Variants in PLCG2 observed in about 807,000 individuals in gnomAD.
PLCG2 encodes the protein phospholipase C gamma 2.
Under a neutral mutation model 175.6 loss-of-function variants are expected in PLCG2, and 69 were observed. That is an observed-to-expected ratio of 0.39 (90% CI 0.32 to 0.48). The LOEUF (loss-of-function observed/expected upper bound fraction) is 0.48, where lower values mean the gene tolerates loss of function less well. PLCG2 is among the 20% of genes least tolerant of loss of function. The pLI is 0.91. For synonymous variants in PLCG2, 827 were observed against 624.0 expected (o/e 1.33, Z -4.85); for missense variants, 1,798 against 1,650.9 (o/e 1.09, Z -1.54).
At chr16:81,882,430 A>T (rs1217615016) in intron 8 of PLCG2, among the ~76,000 whole-genome samples, 5 of 152,120 alleles carry the variant, frequency 3.3e-5, no homozygotes, top group Admixed American at 6.5e-5. Context: ...ACTCCAGAGC[A>T]CTCAATGACC....
In PLCG2 at chr16:81,937,179, A is replaced by AT. The variant is rs550131756; in HGVS notation, c.3053-578dup. On this transcript the variant is annotated intron_variant, in intron 27 of 32. Transcript: ENST00000564138. ...CCCTCCATAGAGATCGTGGGCGGGG[A>AT]TGCAAATAGGTGGAGGTTGGAGTAC... Among the ~76,000 whole-genome samples the AT allele has an allele frequency of 8.5e-5, 13 of 152,268 alleles. No individual in the cohort carries two copies. In the South Asian group the frequency reaches 2.7e-3, roughly 32 times the overall value.
intron 25 of PLCG2, among the ~76,000 whole-genome samples, chr16:81,934,080 C>G (rs1049479099): frequency 1.3e-5 from 2 of 152,146 alleles, no homozygotes; most frequent in African/African-American, 4.8e-5. Context: ...GAATTTGAGA[C>G]ACTCTAACAG....
intron 2 of PLCG2, among the ~76,000 whole-genome samples, chr16:81,813,916 G>T (rs1904427396): frequency 1.3e-5 from 2 of 152,236 alleles, no homozygotes; most frequent in African/African-American, 4.8e-5. Flanking sequence ...CCCTGACACA[G>T]GGAAGGGAAA....
At chr16:81,851,055 G>C (rs1196351573) in intron 2 of PLCG2, among the ~76,000 whole-genome samples, 1 of 152,064 alleles carries the variant, frequency 6.6e-6, no homozygotes, top group Non-Finnish European at 1.5e-5. Flanking sequence ...GGTGTGACGG[G>C]GGATGAGTCC....
At chr16:81,883,647 G>A in intron 9 of PLCG2, 5 of 424,350 alleles carry the variant, frequency 1.2e-5, no homozygotes, top group South Asian at 2.5e-5. Flanking sequence ...CTGAGGATGG[G>A]GCTGCCCTCA....
chr16:81,961,964 A>G lies in PLCG2; in HGVS notation c.*3966A>G, dbSNP rs906007889. The stretch of plus-strand genomic sequence containing the variant: ...ATCTGGCTGCGACATCTGTCACCCC[A>G]TTGATCGCCAGGGTTGATTCGGCTG... On this transcript the variant is annotated 3_prime_UTR_variant, in exon 33 of 33. Transcript: ENST00000564138. The G allele has an allele frequency of 5.1e-5, 10 of 197,136 alleles. No individual in the cohort carries two copies. The highest frequency in any genetic ancestry group is 1.9e-4 in the African/African-American group (8 of 43,186). 12.2% of individuals were successfully genotyped at this position (197,136 alleles called of 1,614,324 possible). A position where few individuals can be genotyped will look rare whatever the true frequency, so the allele number is the denominator to read the frequency against.
At chr16:81,924,022 A>G (rs955890553) in intron 22 of PLCG2, among the ~76,000 whole-genome samples, 3 of 152,228 alleles carry the variant, frequency 2.0e-5, no homozygotes, top group East Asian at 1.9e-4. Context: ...GCGCTTTCCA[A>G]TACACAAGAC....
intron 14 of PLCG2, among the ~76,000 whole-genome samples, chr16:81,903,422 C>T (rs553457034): frequency 2.0e-4 from 31 of 152,198 alleles, no homozygotes; most frequent in Non-Finnish European, 2.8e-4. Context: ...CATCAGTGCA[C>T]GGGGAGTGTT....
At chr16:81,762,395 C>T (rs1015319104) in intron 2 of PLCG2, among the ~76,000 whole-genome samples, 2 of 151,882 alleles carry the variant, frequency 1.3e-5, no homozygotes, top group African/African-American at 4.8e-5. Flanking sequence ...ATGGGAATAT[C>T]CTGTCTCTAC....
At chr16:81,814,271 T>C (rs1904441717) in intron 2 of PLCG2, among the ~76,000 whole-genome samples, 1 of 152,202 alleles carries the variant, frequency 6.6e-6, no homozygotes, top group Non-Finnish European at 1.5e-5. Context: ...TAATAAGGTC[T>C]TCTCAGGGGA....
At chr16:81,857,240 T>C (rs565052373) in intron 3 of PLCG2, among the ~76,000 whole-genome samples, 2 of 152,278 alleles carry the variant, frequency 1.3e-5, no homozygotes, top group African/African-American at 2.4e-5. Context: ...GACCTAAGTA[T>C]TGGGGTTTTG....
At chr16:81,826,348 C>G (rs1905048686) in intron 2 of PLCG2, among the ~76,000 whole-genome samples, 1 of 152,140 alleles carries the variant, frequency 6.6e-6, no homozygotes, top group South Asian at 2.1e-4. Flanking sequence ...GATCTGTGTC[C>G]TCACCTAGGT....
chr16:81,878,221 T>A (rs1380881097), intron 7 of PLCG2, among the ~76,000 whole-genome samples: 1 of 151,932 alleles, frequency 6.6e-6, no homozygotes, highest in East Asian at 1.9e-4. Context: ...CCTGACCTAG[T>A]GATCCGCCTG....
Position 81,891,567 on chromosome 16 carries a change from C to T in PLCG2, c.963C>T (p.Tyr321=). Residue 321 remains tyrosine (Y), a synonymous_variant, in exon 11 of 33, where the codon TAC becomes TAT. Transcript: ENST00000564138. ...ACATGAACAACCCCCTGTCTCATTA[C>T]TGGATCTCCTCGTCACATAACACGT... ...MQDMNNPLSH[Y]WISSSHNTYL... 6.3e-7 allele frequency: 1 copy of T among 1,596,988 alleles called. No homozygotes were observed. The highest frequency in any genetic ancestry group is 8.6e-7 in the Non-Finnish European group (1 of 1,164,570).
intron 2 of PLCG2, among the ~76,000 whole-genome samples, chr16:81,854,115 G>C (rs1047416109): frequency 1.3e-5 from 2 of 151,944 alleles, no homozygotes; most frequent in African/African-American, 4.8e-5. Flanking sequence ...TGGTAGAATA[G>C]TCTGTGCTTA....
At chr16:81,804,810 T>A (rs937749254) in intron 2 of PLCG2, among the ~76,000 whole-genome samples, 4 of 152,176 alleles carry the variant, frequency 2.6e-5, no homozygotes, top group African/African-American at 7.2e-5. Flanking sequence ...CCTGGAGAAA[T>A]GTCATTGGGA....
chr16:81,761,829 AT>A (rs556864309), intron 2 of PLCG2, among the ~76,000 whole-genome samples: 4,281 of 130,160 alleles, frequency 0.033, 182 homozygotes, highest in African/African-American at 0.11. Flanking sequence ...CACCCTGCAC[AT>A]TTTTTTTTTT....
At chr16:81,926,118 GC>G (rs1302197873) in intron 22 of PLCG2, among the ~76,000 whole-genome samples, 1 of 152,204 alleles carries the variant, frequency 6.6e-6, no homozygotes, top group Non-Finnish European at 1.5e-5. Context: ...AAGGGCATGG[GC>G]CAAGGCATGG....
chr16:81,924,835 T>A (rs1303773156), intron 22 of PLCG2, among the ~76,000 whole-genome samples: 1 of 152,216 alleles, frequency 6.6e-6, no homozygotes, highest in African/African-American at 2.4e-5. Context: ...CCTTGGAGGC[T>A]CCCAGACCCA....
Sources: gnomAD v4.1 joint callset for allele counts (sites outside exome capture counted in the v4.1 genomes callset) on GRCh38, gnomAD v4.1.1 for gene constraint, MANE v1.5 for transcripts, NCBI Gene and HGNC (gene_info 2026-07-23, HGNC 2026-07-21) for gene names.